Variants in C8orf34 observed in about 807,000 individuals in gnomAD.
The protein encoded by C8orf34 is chromosome 8 open reading frame 34.
A neutral mutation model predicts 68.3 loss-of-function variants in C8orf34; 65 were observed. That is an observed-to-expected ratio of 0.95 (90% CI 0.78 to 1.17). The LOEUF is 1.17. Ranked by LOEUF, C8orf34 falls within the 50% of genes most tolerant of loss-of-function variation. C8orf34 has a pLI of 0.00. For missense variants in C8orf34, 664 were observed against 655.4 expected, an observed-to-expected ratio of 1.01 and a Z score of -0.14; for synonymous variants, 244 against 241.2, an observed-to-expected ratio of 1.01 and a Z score of -0.11.
chr8:68,461,393 C>T lies in C8orf34; in HGVS notation c.608-7299C>T, dbSNP rs181396365. On this transcript the variant is annotated intron_variant, in intron 3 of 13. Coordinates refer to ENST00000518698, the MANE Select transcript of C8orf34 (RefSeq NM_052958.4). ...CAGGATATTATCCAGGAGAACTTCC[C>T]CAATCTAGCAAGGCAGGCCAACATT... is the stretch of plus-strand genomic sequence containing the variant. 2.1e-3 allele frequency among the ~76,000 whole-genome samples: 325 copies of T among 152,248 alleles called. 1 individual carries two copies. Among genetic ancestry groups the T allele is most frequent in the African/African-American group, 7.0e-3 (292 of 41,546 alleles).
intron 1 of C8orf34, among the ~76,000 whole-genome samples, chr8:68,425,665 A>G (rs369411613): frequency 2.5e-4 from 38 of 152,030 alleles, no homozygotes; most frequent in African/African-American, 8.9e-4. Flanking sequence ...TTTTGTAGAC[A>G]TAGTCAAACT....
At chr8:68,342,644 G>T (rs1419263978) in intron 1 of C8orf34, among the ~76,000 whole-genome samples, 5 of 152,114 alleles carry the variant, frequency 3.3e-5, no homozygotes, top group Non-Finnish European at 7.3e-5. Flanking sequence ...TGTCCCACTC[G>T]ATTTGGGTGA....
intron 3 of C8orf34, among the ~76,000 whole-genome samples, chr8:68,464,614 G>A (rs1461366440): frequency 2.6e-5 from 4 of 152,192 alleles, no homozygotes; most frequent in African/African-American, 9.6e-5. Context: ...ATTGATCAAT[G>A]GAACAGAACA....
chr8:68,393,248 A>C (rs1322258707), intron 1 of C8orf34, among the ~76,000 whole-genome samples: 1 of 152,164 alleles, frequency 6.6e-6, no homozygotes, highest in African/African-American at 2.4e-5. Flanking sequence ...ACATTACAAA[A>C]AATGTTGGCT....
At chr8:68,486,555 C>T (rs1483298741) in intron 4 of C8orf34, among the ~76,000 whole-genome samples, 1 of 152,118 alleles carries the variant, frequency 6.6e-6, no homozygotes, top group Non-Finnish European at 1.5e-5. Context: ...GTGTCATCTA[C>T]AAGGGGATCT....
At chr8:68,479,018 A>AT (rs1211149638) in intron 4 of C8orf34, among the ~76,000 whole-genome samples, 1 of 152,260 alleles carries the variant, frequency 6.6e-6, no homozygotes, top group East Asian at 1.9e-4. Context: ...ATTTTTCCCT[A>AT]TTTTTTAATG....
At chr8:68,706,413 G>A (rs1292470384) in intron 8 of C8orf34, among the ~76,000 whole-genome samples, 1 of 152,006 alleles carries the variant, frequency 6.6e-6, no homozygotes. Context: ...CACTGTGAAA[G>A]AGGCTGAAGG....
At chr8:68,754,471 T>C (rs1462858019) in intron 10 of C8orf34, among the ~76,000 whole-genome samples, 1 of 152,146 alleles carries the variant, frequency 6.6e-6, no homozygotes, top group Non-Finnish European at 1.5e-5. Flanking sequence ...GAAAGGAATG[T>C]TAAACAGCAG....
intron 1 of C8orf34, among the ~76,000 whole-genome samples, chr8:68,375,106 C>G (rs994627929): frequency 2.0e-4 from 30 of 152,008 alleles, no homozygotes; most frequent in African/African-American, 6.5e-4. Context: ...ATTACTTATC[C>G]ACATCCTCTT....
intron 1 of C8orf34, among the ~76,000 whole-genome samples, chr8:68,427,936 C>A (rs1421236544): frequency 1.4e-5 from 2 of 147,450 alleles, no homozygotes; most frequent in African/African-American, 2.5e-5. Flanking sequence ...TTATTTCATC[C>A]TTATTATATA....
rs1460016646 is a variant in C8orf34 at position 68,332,355 on chromosome 8, G to GCCTTGCCCCCGCCTTGCCCCCA, written c.327+1037_327+1038insACCTTGCCCCCGCCTTGCCCCC. ...TTCGCGGGAGGGTCGAGGTGCTCCC[G>GCCTTGCCCCCGCCTTGCCCCCA]CCTTGCCCCCGCCTTGCCCCCGCCT... On this transcript the variant is annotated intron_variant, in intron 1 of 13. Transcript: ENST00000518698. Among the ~76,000 whole-genome samples the GCCTTGCCCCCGCCTTGCCCCCA allele has an allele frequency of 7.3e-3, 1,100 of 149,682 alleles. 23 individuals are homozygous for GCCTTGCCCCCGCCTTGCCCCCA. The highest frequency in any genetic ancestry group is 0.025 in the African/African-American group (1,000 of 39,700).
intron 7 of C8orf34, among the ~76,000 whole-genome samples, chr8:68,635,010 C>T (rs921706647): frequency 2.0e-5 from 3 of 152,132 alleles, no homozygotes; most frequent in African/African-American, 7.2e-5. Flanking sequence ...TTCTCCCACA[C>T]TGTGATAGTT....
At chr8:68,372,851 G>A (rs1807621120) in intron 1 of C8orf34, among the ~76,000 whole-genome samples, 1 of 152,184 alleles carries the variant, frequency 6.6e-6, no homozygotes, top group Non-Finnish European at 1.5e-5. Context: ...AACATGCGAT[G>A]TTTGGTTTTC....
chr8:68,388,947 C>T (rs1055106016), intron 1 of C8orf34, among the ~76,000 whole-genome samples: 1 of 152,078 alleles, frequency 6.6e-6, no homozygotes, highest in Non-Finnish European at 1.5e-5. Flanking sequence ...TCTCGTTAGC[C>T]TTTTCTGTCA....
At chr8:68,668,914 T>A (rs1362877841) in intron 8 of C8orf34, among the ~76,000 whole-genome samples, 1 of 152,130 alleles carries the variant, frequency 6.6e-6, no homozygotes, top group Non-Finnish European at 1.5e-5. Flanking sequence ...ATACCTCCAA[T>A]GAGCTTGAAA....
intron 8 of C8orf34, among the ~76,000 whole-genome samples, chr8:68,694,756 C>A (rs1820778709): frequency 6.6e-6 from 1 of 151,996 alleles, no homozygotes; most frequent in Non-Finnish European, 1.5e-5. Flanking sequence ...TTCTGGATCT[C>A]CCTGGTTCAC....
intron 1 of C8orf34, among the ~76,000 whole-genome samples, chr8:68,345,729 A>G (rs1196814957): frequency 6.6e-6 from 1 of 151,976 alleles, no homozygotes; most frequent in Non-Finnish European, 1.5e-5. Flanking sequence ...GTATTTATAC[A>G]TATATACATA....
intron 1 of C8orf34, among the ~76,000 whole-genome samples, chr8:68,332,283 C>T (rs965191682): frequency 1.3e-5 from 2 of 151,474 alleles, no homozygotes; most frequent in African/African-American, 4.9e-5. Flanking sequence ...TGCGGAGGGA[C>T]TCCCTTGGTC....
chr8:68,507,902 G>C (rs919326491), intron 5 of C8orf34, among the ~76,000 whole-genome samples: 2 of 152,068 alleles, frequency 1.3e-5, no homozygotes, highest in South Asian at 4.1e-4. Context: ...TTTAATTACT[G>C]GTAGTTTAGG....
Sources: gnomAD v4.1 joint callset for allele counts (sites outside exome capture counted in the v4.1 genomes callset) on GRCh38, gnomAD v4.1.1 for gene constraint, MANE v1.5 for transcripts, NCBI Gene and HGNC (gene_info 2026-07-23, HGNC 2026-07-21) for gene names.